The following DYTN variants were observed in gnomAD, a reference collection of about 807,000 sequenced individuals.
The protein encoded by DYTN is dystrotelin.
In DYTN, 75 loss-of-function variants were observed where a neutral mutation model predicts 69.6. The ratio of observed to expected loss-of-function variants is 1.08; its 90% CI spans 0.89 to 1.31. DYTN has a LOEUF of 1.31. DYTN is among the 50% of genes most tolerant of loss of function. The pLI, the probability that DYTN is intolerant of heterozygous loss-of-function variation, is 0.00. For missense variants in DYTN, 726 were observed against 688.4 expected (o/e 1.05, Z -0.61); for synonymous variants, 252 against 249.1 (o/e 1.01, Z -0.11).
At chr2:206,658,028 T>A (rs894029335) in intron 11 of DYTN, among the ~76,000 whole-genome samples, 2 of 152,156 alleles carry the variant, frequency 1.3e-5, no homozygotes, top group African/African-American at 4.8e-5. Context: ...CATGCGTCCC[T>A]TAAACGTTCA....
chr2:206,690,155 C>CCTG (rs1699849431), intron 9 of DYTN, among the ~76,000 whole-genome samples: 1 of 152,142 alleles, frequency 6.6e-6, no homozygotes, highest in African/African-American at 2.4e-5. Flanking sequence ...GAAAGGCCTT[C>CCTG]AGGATGAGCC....
At chr2:206,708,728 G>T (rs1700050399) in intron 2 of DYTN, among the ~76,000 whole-genome samples, 1 of 152,136 alleles carries the variant, frequency 6.6e-6, no homozygotes, top group Non-Finnish European at 1.5e-5. Context: ...CCTATTTGGA[G>T]CTCATGTTAT....
intron 9 of DYTN, among the ~76,000 whole-genome samples, chr2:206,683,626 G>C (rs925738862): frequency 6.6e-6 from 1 of 152,016 alleles, no homozygotes; most frequent in Non-Finnish European, 1.5e-5. Context: ...TTACAGGCAT[G>C]AGCCACCGCG....
At chr2:206,669,323 A>G (rs1158182187) in intron 9 of DYTN, among the ~76,000 whole-genome samples, 1 of 152,162 alleles carries the variant, frequency 6.6e-6, no homozygotes, top group Non-Finnish European at 1.5e-5. Flanking sequence ...ATTCCAGTCT[A>G]TTACATCTCA....
chr2:206,691,084 A>T (rs1699857090), intron 9 of DYTN, among the ~76,000 whole-genome samples: 1 of 152,180 alleles, frequency 6.6e-6, no homozygotes, highest in Non-Finnish European at 1.5e-5. Flanking sequence ...TGTGTAAAAG[A>T]TCAGTCTGAC....
chr2:206,661,090 C>T (rs2105887558), intron 11 of DYTN, among the ~76,000 whole-genome samples: 1 of 152,198 alleles, frequency 6.6e-6, no homozygotes, highest in South Asian at 2.1e-4. Context: ...TAGACATAGA[C>T]ATACATAGAA....
At chr2:206,710,638 T>G (rs1700071824) in intron 1 of DYTN, 40 bp from the exon 2 acceptor site, 1 of 1,457,116 alleles carries the variant, frequency 6.9e-7, no homozygotes, top group South Asian at 1.3e-5. Flanking sequence ...AAAGTCTCTC[T>G]CATTATATAA....
At chr2:206,708,367 T>G (rs1700047723) in intron 2 of DYTN, among the ~76,000 whole-genome samples, 1 of 152,186 alleles carries the variant, frequency 6.6e-6, no homozygotes. Flanking sequence ...TTAAAACGCT[T>G]CAGCCTGTGA....
chr2:206,712,776 G>C (rs566188556), intron 1 of DYTN, among the ~76,000 whole-genome samples: 23 of 152,308 alleles, frequency 1.5e-4, no homozygotes, highest in African/African-American at 5.5e-4. Context: ...CTTCCATGGG[G>C]GCATGTGGCC....
intron 9 of DYTN, among the ~76,000 whole-genome samples, chr2:206,679,797 C>G (rs1048112707): frequency 5.9e-5 from 9 of 152,104 alleles, no homozygotes; most frequent in African/African-American, 1.9e-4. Context: ...CTTAATTATA[C>G]CAGGGGTGTG....
chr2:206,669,805 G>A (rs1486982091), intron 9 of DYTN, among the ~76,000 whole-genome samples: 2 of 152,062 alleles, frequency 1.3e-5, no homozygotes, highest in Admixed American at 6.5e-5. Context: ...CTTTAAAAGT[G>A]TTTATTGAAC....
At chr2:206,677,805 A>G (rs1300115404) in intron 9 of DYTN, among the ~76,000 whole-genome samples, 1 of 152,184 alleles carries the variant, frequency 6.6e-6, no homozygotes, top group Admixed American at 6.5e-5. Flanking sequence ...AGCCTGGCCA[A>G]CACAGTGAAA....
At chr2:206,706,985 C>T (rs1046271947) in intron 3 of DYTN, among the ~76,000 whole-genome samples, 2 of 151,618 alleles carry the variant, frequency 1.3e-5, no homozygotes, top group African/African-American at 4.9e-5. Context: ...TGTCGCTTTT[C>T]ACATGTGTAT....
rs182034958 is a variant in DYTN at position 206,664,381 on chromosome 2, G to A, written c.1141-986C>T. Reference sequence around the variant, plus strand: ...TGTCAGTTATAACAGTTAAGGCCGGGCGCAGTGGCTCATGTCTGTAATCCC... The same window carrying A: ...TGTCAGTTATAACAGTTAAGGCCGGACGCAGTGGCTCATGTCTGTAATCCC... On this transcript the variant is annotated intron_variant, in intron 10 of 11. Coordinates refer to ENST00000452335, the MANE Select transcript of DYTN (RefSeq NM_001093730.1). Among the ~76,000 whole-genome samples the A allele has an allele frequency of 1.7e-4, 26 of 152,308 alleles. No homozygotes were observed. In the East Asian group the frequency reaches 5.0e-3, roughly 29 times the overall value.
chr2:206,698,498 T>C (rs1699943717), intron 7 of DYTN, among the ~76,000 whole-genome samples: 1 of 152,128 alleles, frequency 6.6e-6, no homozygotes, highest in South Asian at 2.1e-4. Context: ...AACCCTCAGT[T>C]TTGCCTTGTA....
chr2:206,666,059 GA>G (rs1289849726), intron 9 of DYTN, 30 bp from the exon 10 acceptor site: 7 of 1,608,412 alleles, frequency 4.4e-6, no homozygotes, highest in Admixed American at 1.7e-5. Context: ...GAGCGGTTTG[GA>G]AGGGCAAGAG....
chr2:206,694,895 A>G lies in DYTN; in HGVS notation c.720-18T>C. ...AGCGGTATCTGCCAGTTAAAATAGAAGCACAGCTTACGTCACTAGTAGATG... is the reference window on the plus strand; with the variant it reads ...AGCGGTATCTGCCAGTTAAAATAGAGGCACAGCTTACGTCACTAGTAGATG... On this transcript the variant is annotated intron_variant, in intron 7 of 11. Transcript: ENST00000452335. 1 of 1,523,410 alleles carries G rather than the reference A, an allele frequency of 6.6e-7. No homozygotes were observed. Among genetic ancestry groups the G allele is most frequent in the Non-Finnish European group, 8.9e-7 (1 of 1,128,270 alleles). The allele number at this position is 1,523,410 out of a possible 1,614,324, so 94.4% of individuals were successfully genotyped here. A position where few individuals can be genotyped will look rare whatever the true frequency, so the allele number is the denominator to read the frequency against.
At chr2:206,680,958 A>G (rs1699744580) in intron 9 of DYTN, among the ~76,000 whole-genome samples, 4 of 152,126 alleles carry the variant, frequency 2.6e-5, no homozygotes, top group Non-Finnish European at 5.9e-5. Flanking sequence ...CTTTGAATCT[A>G]TACTTTGGAC....
chr2:206,693,473 G>T, intron 8 of DYTN, 150 bp from the exon 9 acceptor site: 2 of 1,068,672 alleles, frequency 1.9e-6, no homozygotes, highest in Non-Finnish European at 2.6e-6. Context: ...TCTTGTCCCT[G>T]AATTTCTTCA....
Sources: allele counts gnomAD v4.1 joint callset (sites outside exome capture counted in the v4.1 genomes callset), GRCh38; gene constraint gnomAD v4.1.1; transcripts MANE v1.5; gene names NCBI Gene and HGNC (gene_info 2026-07-23, HGNC 2026-07-21).